Variants in EPHA6 observed in about 807,000 individuals in gnomAD.
The protein encoded by EPHA6 is ephrin type-A receptor 6.
In EPHA6, 50 loss-of-function variants were observed where a neutral mutation model predicts 112.0. The observed-to-expected ratio is 0.45, with a 90% CI of 0.36 to 0.56. The LOEUF (loss-of-function observed/expected upper bound fraction) is 0.56. Among genes scored for constraint, EPHA6 ranks in the 20% least tolerant of loss-of-function variants. EPHA6 has a pLI of 0.00. For missense variants in EPHA6, 1,280 were observed against 1,417.4 expected, an observed-to-expected ratio of 0.90 and a Z score of 1.56; for synonymous variants, 529 against 490.7, an observed-to-expected ratio of 1.08 and a Z score of -1.03.
At chr3:96,921,400 C>T (rs950604024) in intron 2 of EPHA6, among the ~76,000 whole-genome samples, 2 of 151,868 alleles carry the variant, frequency 1.3e-5, no homozygotes, top group Non-Finnish European at 2.9e-5. Context: ...ACATTTAAAT[C>T]ATGCATTTTA....
At chr3:96,918,521 G>A (rs1180060871) in intron 2 of EPHA6, among the ~76,000 whole-genome samples, 2 of 152,068 alleles carry the variant, frequency 1.3e-5, no homozygotes, top group African/African-American at 4.8e-5. Flanking sequence ...GCAGCAAAGA[G>A]ATAGGAGTAG....
chr3:97,479,167 T>C (rs996228471), intron 8 of EPHA6, 127 bp from the exon 9 acceptor site: 4 of 557,880 alleles, frequency 7.2e-6, no homozygotes, highest in Non-Finnish European at 1.2e-5. Context: ...TTTCACGTTA[T>C]AAAGATATTT....
intron 3 of EPHA6, among the ~76,000 whole-genome samples, chr3:97,063,347 T>C (rs774107542): frequency 3.0e-4 from 46 of 152,174 alleles, no homozygotes; most frequent in South Asian, 4.1e-4. Context: ...GTGGTACATA[T>C]ACACCATGGA....
intron 2 of EPHA6, among the ~76,000 whole-genome samples, chr3:96,935,659 A>C (rs2040540857): frequency 1.3e-5 from 2 of 148,402 alleles, no homozygotes; most frequent in South Asian, 2.1e-4. Flanking sequence ...TATTTATAAC[A>C]GTTCAACTTG....
chr3:96,975,593 T>C (rs1170451032), intron 2 of EPHA6, among the ~76,000 whole-genome samples: 1 of 152,206 alleles, frequency 6.6e-6, no homozygotes, highest in Non-Finnish European at 1.5e-5. Flanking sequence ...ATATAAATAG[T>C]GGCCTTAAGG....
chr3:96,972,520 C>T (rs186861127), intron 2 of EPHA6, among the ~76,000 whole-genome samples: 3 of 151,810 alleles, frequency 2.0e-5, no homozygotes, highest in South Asian at 2.1e-4. Context: ...CCCAGTCTTC[C>T]GTGTTATTAG....
At chr3:97,435,836 CATA>C (rs1342008603) in intron 6 of EPHA6, among the ~76,000 whole-genome samples, 2 of 152,096 alleles carry the variant, frequency 1.3e-5, no homozygotes, top group Admixed American at 1.3e-4. Context: ...TGCAGATTAA[CATA>C]ATGTTTCTGT....
At chr3:97,460,085 A>C (rs2090834273) in intron 7 of EPHA6, among the ~76,000 whole-genome samples, 1 of 152,222 alleles carries the variant, frequency 6.6e-6, no homozygotes. Flanking sequence ...AAAGTTGGAC[A>C]CCAAAACTGA....
intron 5 of EPHA6, among the ~76,000 whole-genome samples, chr3:97,252,483 A>G (rs1049066265): frequency 6.6e-6 from 1 of 152,144 alleles, no homozygotes; most frequent in Non-Finnish European, 1.5e-5. Flanking sequence ...AGCATATCCA[A>G]CCTAGATCCT....
At position 97,759,565 on chromosome 3, in the gene EPHA6, G is replaced by A. The variant is rs1458871841; in HGVS notation, c.*10864G>A. 1 of 231,110 alleles carries A rather than the reference G, an allele frequency of 4.3e-6. No homozygotes were observed. The highest frequency in any genetic ancestry group is 8.6e-6 in the Non-Finnish European group (1 of 116,702). 14.3% of individuals were successfully genotyped at this position (231,110 alleles called of 1,614,324 possible). ...TAACAAAGGCCTTGAGAGATAGAGG[G>A]GTTGCGATTTAAAGCATAAGTAGGG... On this transcript the variant is annotated 3_prime_UTR_variant, in exon 18 of 18. Transcript: ENST00000389672.
At chr3:97,607,196 A>AG (rs2093686296) in intron 12 of EPHA6, among the ~76,000 whole-genome samples, 1 of 150,384 alleles carries the variant, frequency 6.6e-6, no homozygotes, top group Admixed American at 6.6e-5. Context: ...AAAAAAAAAA[A>AG]AAAACACAAA....
At chr3:97,512,519 C>G (rs1469994357) in intron 10 of EPHA6, among the ~76,000 whole-genome samples, 3 of 152,024 alleles carry the variant, frequency 2.0e-5, no homozygotes, top group African/African-American at 7.2e-5. Flanking sequence ...CCACTAGCTC[C>G]TCTTAGACGT....
At chr3:97,147,459 G>T (rs2076070431) in intron 3 of EPHA6, among the ~76,000 whole-genome samples, 1 of 151,878 alleles carries the variant, frequency 6.6e-6, no homozygotes. Context: ...CACAATGCCA[G>T]TCACAAAGTG....
rs563983108 is a variant in EPHA6, at chr3:97,439,522, C to T, written c.1732-9046C>T. 5.8e-5 allele frequency: 30 copies of T among 517,118 alleles called. No individual in the cohort carries two copies. In the Admixed American group the frequency reaches 1.1e-3, roughly 20 times the overall value. 32.0% of individuals were successfully genotyped at this position (517,118 alleles called of 1,614,324 possible). On this transcript the variant is annotated intron_variant, in intron 6 of 17. Coordinates refer to ENST00000389672, the MANE Select transcript of EPHA6 (RefSeq NM_001080448.3). ...TTCTTCTTGTGCATTTTAATGAATG[C>T]GAGAAAAGACAACAACTCTGTTGGT...
intron 3 of EPHA6, among the ~76,000 whole-genome samples, chr3:97,010,328 G>A (rs141286278): frequency 5.9e-5 from 9 of 152,250 alleles, no homozygotes; most frequent in Non-Finnish European, 1.2e-4. Flanking sequence ...TTGGAATACA[G>A]CCAAGTTATT....
chr3:96,994,350 G>T, intron 3 of EPHA6: 2 of 226,662 alleles, frequency 8.8e-6, no homozygotes, highest in African/African-American at 2.2e-5. Context: ...TGATGTTACA[G>T]ATTTAACATT....
At chr3:97,218,309 T>C (rs1408330962) in intron 3 of EPHA6, among the ~76,000 whole-genome samples, 4 of 152,102 alleles carry the variant, frequency 2.6e-5, no homozygotes, top group African/African-American at 9.7e-5. Flanking sequence ...GCTCTCAGTC[T>C]GTGTATTAGT....
At chr3:96,919,596 G>A (rs2039657895) in intron 2 of EPHA6, among the ~76,000 whole-genome samples, 1 of 151,694 alleles carries the variant, frequency 6.6e-6, no homozygotes, top group African/African-American at 2.4e-5. Context: ...GTCTATTGAG[G>A]CAGGGGTTAT....
At chr3:97,160,049 T>C (rs2076376370) in intron 3 of EPHA6, among the ~76,000 whole-genome samples, 1 of 152,170 alleles carries the variant, frequency 6.6e-6, no homozygotes, top group African/African-American at 2.4e-5. Context: ...AAGGTGACGA[T>C]AGCCAAGTAT....
Sources: gnomAD v4.1 joint callset for allele counts (sites outside exome capture counted in the v4.1 genomes callset) on GRCh38, gnomAD v4.1.1 for gene constraint, MANE v1.5 for transcripts, NCBI Gene and HGNC (gene_info 2026-07-23, HGNC 2026-07-21) for gene names.